The following INPP4B variants were observed in gnomAD, a reference collection of about 807,000 sequenced individuals.
INPP4B encodes inositol polyphosphate-4-phosphatase type II B, also known as inositol polyphosphate 4-phosphatase type II.
INPP4B carries 55 observed loss-of-function variants against 122.5 expected under a neutral mutation model. That is an observed-to-expected ratio of 0.45 (90% CI 0.36 to 0.56). The LOEUF is 0.56. Ranked by LOEUF, INPP4B falls within the 20% of genes least tolerant of loss-of-function variation. INPP4B has a pLI of 0.00. For synonymous variants in INPP4B, 403 were observed against 388.7 expected (o/e 1.04, Z -0.43); for missense variants, 1,000 against 1,097.7 (o/e 0.91, Z 1.26).
intron 1 of INPP4B, among the ~76,000 whole-genome samples, chr4:142,764,689 C>T (rs981470861): frequency 6.6e-6 from 1 of 152,052 alleles, no homozygotes; most frequent in East Asian, 1.9e-4. Context: ...CAACACCCAG[C>T]ATTAGTTTCC....
At chr4:142,389,251 G>GAA (rs199976631) in intron 7 of INPP4B, among the ~76,000 whole-genome samples, 6 of 89,492 alleles carry the variant, frequency 6.7e-5, no homozygotes, top group South Asian at 4.2e-4. Context: ...CTCCATCTCA[G>GAA]AAAAAAAAAA....
chr4:142,604,622 A>G (rs550079939), intron 2 of INPP4B, among the ~76,000 whole-genome samples: 42 of 152,178 alleles, frequency 2.8e-4, no homozygotes, highest in African/African-American at 9.6e-4. Flanking sequence ...AATCCCATAT[A>G]TAATAGCTAC....
intron 12 of INPP4B, among the ~76,000 whole-genome samples, chr4:142,228,351 T>C (rs991666540): frequency 1.3e-5 from 2 of 152,032 alleles, no homozygotes; most frequent in Non-Finnish European, 2.9e-5. Context: ...GCAAAATCTA[T>C]AGGAACAAAA....
chr4:142,582,360 T>C (rs570580255), intron 2 of INPP4B, among the ~76,000 whole-genome samples: 45 of 152,226 alleles, frequency 3.0e-4, no homozygotes, highest in Admixed American at 2.4e-3. Context: ...GAAAGGAGCA[T>C]AGGCAGTTTT....
intron 7 of INPP4B, among the ~76,000 whole-genome samples, chr4:142,355,809 C>T (rs757546600): frequency 4.6e-5 from 7 of 151,440 alleles, no homozygotes; most frequent in East Asian, 3.9e-4. Flanking sequence ...ATGAGATGAA[C>T]GAAGTCAAAG....
intron 25 of INPP4B, among the ~76,000 whole-genome samples, chr4:142,072,225 C>G (rs1578804578): frequency 2.0e-5 from 3 of 152,170 alleles, no homozygotes; most frequent in South Asian, 2.1e-4. Flanking sequence ...TCTTAGCAAA[C>G]TATCGCAAGG....
At chr4:142,518,198 T>C (rs1825649220) in intron 2 of INPP4B, among the ~76,000 whole-genome samples, 2 of 152,118 alleles carry the variant, frequency 1.3e-5, no homozygotes, top group South Asian at 4.2e-4. Flanking sequence ...TGACCAAAGA[T>C]TAAAAGTCAG....
Position 142,513,477 on chromosome 4 carries a change from G to A in INPP4B, c.-190-50751C>T, listed in dbSNP as rs377689354. 1.0e-3 allele frequency among the ~76,000 whole-genome samples: 157 copies of A among 151,814 alleles called. 2 individuals carry two copies. The highest frequency in any genetic ancestry group is 3.4e-3 in the African/African-American group (141 of 41,364). Reference sequence around the variant, plus strand: ...GGCTGGAGTGTGATGGCACAGTCTCGGCTCACTGCAACCTCCACCTCCTGG... The same window carrying A: ...GGCTGGAGTGTGATGGCACAGTCTCAGCTCACTGCAACCTCCACCTCCTGG... On this transcript the variant is annotated intron_variant, in intron 2 of 25. Transcript: ENST00000262992.
At chr4:142,758,159 A>G (rs1770773272) in intron 1 of INPP4B, among the ~76,000 whole-genome samples, 1 of 152,182 alleles carries the variant, frequency 6.6e-6, no homozygotes. Context: ...GAAGCCAACC[A>G]TAAAAGTGAA....
chr4:142,224,357 T>A (rs1168413387), intron 12 of INPP4B, among the ~76,000 whole-genome samples: 4 of 152,134 alleles, frequency 2.6e-5, no homozygotes, highest in Admixed American at 6.5e-5. Flanking sequence ...TTGGAGTTTT[T>A]AATATATATT....
At chr4:142,202,864 G>A (rs1841257591) in intron 14 of INPP4B, 1 of 698,242 alleles carries the variant, frequency 1.4e-6, no homozygotes, top group Admixed American at 6.3e-5. Flanking sequence ...TTCATTCCCT[G>A]TGGGCTCAAA....
At chr4:142,328,734 T>A (rs978067884) in intron 7 of INPP4B, among the ~76,000 whole-genome samples, 2 of 118,206 alleles carry the variant, frequency 1.7e-5, no homozygotes, top group Non-Finnish European at 3.9e-5. Flanking sequence ...TAAATATTTT[T>A]AAAATTTTGG....
chr4:142,674,608 T>C (rs565447123), intron 2 of INPP4B, among the ~76,000 whole-genome samples: 1 of 152,102 alleles, frequency 6.6e-6, no homozygotes, highest in African/African-American at 2.4e-5. Flanking sequence ...ATTCTAAAAT[T>C]GACCACATAA....
chr4:142,332,373 A>G (rs1156592240), intron 7 of INPP4B, among the ~76,000 whole-genome samples: 1 of 152,208 alleles, frequency 6.6e-6, no homozygotes, highest in Non-Finnish European at 1.5e-5. Flanking sequence ...TAATTAAGTT[A>G]GTAGCCTTCA....
chr4:142,814,945 C>T (rs751614410), intron 1 of INPP4B, among the ~76,000 whole-genome samples: 2 of 152,072 alleles, frequency 1.3e-5, no homozygotes, highest in African/African-American at 2.4e-5. Context: ...GAGAGAGTAA[C>T]GATGGGGTGC....
intron 5 of INPP4B, among the ~76,000 whole-genome samples, chr4:142,420,208 A>C (rs1450180374): frequency 6.6e-6 from 1 of 152,152 alleles, no homozygotes. Context: ...AACCTGATTA[A>C]AGATATCCCT....
At chr4:142,537,740 AGTGTGTGTGTGT>A (rs72363974) in intron 2 of INPP4B, among the ~76,000 whole-genome samples, 4 of 146,892 alleles carry the variant, frequency 2.7e-5, no homozygotes, top group African/African-American at 5.0e-5. Context: ...TGTGTATATG[AGTGTGTGTGTGT>A]GTGTGTGTGT....
chr4:142,343,033 T>C (rs1025407810), intron 7 of INPP4B, among the ~76,000 whole-genome samples: 1 of 152,100 alleles, frequency 6.6e-6, no homozygotes. Flanking sequence ...AAGCAAAGAA[T>C]GACTAGTACT....
At chr4:142,598,153 C>A (rs1043218140) in intron 2 of INPP4B, among the ~76,000 whole-genome samples, 1 of 152,140 alleles carries the variant, frequency 6.6e-6, no homozygotes, top group South Asian at 2.1e-4. Flanking sequence ...AGCATGCAGC[C>A]AGCTCAGTTG....
Sources: allele counts gnomAD v4.1 joint callset (sites outside exome capture counted in the v4.1 genomes callset), GRCh38; gene constraint gnomAD v4.1.1; transcripts MANE v1.5; gene names NCBI Gene and HGNC (gene_info 2026-07-23, HGNC 2026-07-21).